Variants in GBF1 observed in about 807,000 individuals in gnomAD.
GBF1 encodes the protein golgi brefeldin A resistant guanine nucleotide exchange factor 1, also known as Golgi-specific brefeldin A-resistance guanine nucleotide exchange factor 1.
A neutral mutation model predicts 210.5 loss-of-function variants in GBF1; 114 were observed. The ratio of observed to expected loss-of-function variants is 0.54; its 90% confidence interval spans 0.47 to 0.63. The LOEUF is 0.63. Among genes scored for constraint, GBF1 ranks in the 30% least tolerant of loss-of-function variants. GBF1 has a pLI of 0.00. For synonymous variants in GBF1, 850 were observed against 889.2 expected (o/e 0.96, Z 0.78); for missense variants, 1,851 against 2,357.7 (o/e 0.79, Z 4.45).
In GBF1 at chr10:102,273,738, A is replaced by G. The variant is rs565386797; in HGVS notation, c.163+13622A>G. Among the ~76,000 whole-genome samples the G allele has an allele frequency of 3.9e-5, 6 of 152,312 alleles. No homozygotes were observed. The South Asian group carries it at 6.2e-4, about 16-fold the overall frequency. ...ATTTCAGTAAGACAGTTCTATTTAG[A>G]TGGTTGTTTCTGGATGAATCAGCTT... On this transcript the variant is annotated intron_variant, in intron 3 of 39. Coordinates refer to ENST00000369983, the MANE Select transcript of GBF1 (RefSeq NM_001377137.1).
chr10:102,370,925 A>T, intron 29 of GBF1, 65 bp downstream of exon 29: 1 of 1,452,002 alleles, frequency 6.9e-7, no homozygotes, highest in Non-Finnish European at 9.6e-7. Context: ...GTTGTCAATT[A>T]TGAATATGGC....
At chr10:102,290,900 T>C (rs1383805484) in intron 3 of GBF1, among the ~76,000 whole-genome samples, 1 of 152,254 alleles carries the variant, frequency 6.6e-6, no homozygotes, top group Non-Finnish European at 1.5e-5. Flanking sequence ...TTCTAACTTC[T>C]CTTTAATTTT....
At chr10:102,310,891 T>C (rs890681174) in intron 3 of GBF1, among the ~76,000 whole-genome samples, 1 of 152,220 alleles carries the variant, frequency 6.6e-6, no homozygotes, top group African/African-American at 2.4e-5. Context: ...ATGGCAAATA[T>C]GTGGACTTCA....
chr10:102,236,918 A>G, the GBF1 span, among the ~76,000 whole-genome samples: 1 of 152,318 alleles, frequency 6.6e-6, no homozygotes, highest in African/African-American at 2.4e-5. Flanking sequence ...ACATGGCTGC[A>G]TGTTCATTAG....
chr10:102,313,194 A>G (rs2078631542), intron 3 of GBF1, among the ~76,000 whole-genome samples: 1 of 152,198 alleles, frequency 6.6e-6, no homozygotes, highest in African/African-American at 2.4e-5. Flanking sequence ...CGTTCTGTGT[A>G]TCATGGAGGC....
chr10:102,367,208 G>T lies in GBF1; in HGVS notation c.2557G>T (p.Glu853Ter). 2 of 1,614,012 alleles carry T rather than the reference G, an allele frequency of 1.2e-6. No homozygotes were observed. Among genetic ancestry groups the T allele is most frequent in the Non-Finnish European group, 1.7e-6 (2 of 1,179,926 alleles). Reference protein sequence around the residue: ...VRKQNAPMTLEEFRKNLKGVN... With the variant: ...VRKQNAPMTL The stretch of plus-strand genomic sequence containing the variant: ...TAAACAGAATGCACCCATGACCCTG[G>T]AGGTAAGCTTGGGTCCCAGTCAAGG... The change falls in exon 20 of 40, where the codon GAG becomes TAG. Residue 853 changes from glutamate (E) to a stop codon, truncating the protein, a stop_gained and splice_region_variant. Coordinates refer to ENST00000369983, the MANE Select transcript of GBF1 (RefSeq NM_001377137.1). LOFTEE classifies it high-confidence loss of function.
At chr10:102,235,166 T>TCCCCC in the GBF1 span, among the ~76,000 whole-genome samples, 109 of 58,998 alleles carry the variant, frequency 1.8e-3, no homozygotes, top group African/African-American at 7.0e-3. Flanking sequence ...TTATTACCCT[T>TCCCCC]CCCCCACCCC....
rs1216962143 is a variant in GBF1 at position 102,358,107 on chromosome 10, C to T, written c.708C>T (p.Pro236=). The T allele has an allele frequency of 1.9e-6, 3 of 1,610,888 alleles. No homozygotes were observed. The African/African-American group carries it at 4.0e-5, about 22-fold the overall frequency. ...KWKKQKRSPR[P]PRHMTKVTPG... The stretch of plus-strand genomic sequence containing the variant: ...AGAAACAGAAGAGATCCCCTCGGCC[C>T]CCACGCCATATGACCAAAGTCACAC... The change falls in exon 9 of 40, where the codon CCC becomes CCT. Residue 236 remains proline (P), a synonymous_variant. Transcript: ENST00000369983.
chr10:102,255,102 G>A lies in GBF1; in HGVS notation c.-10-3827G>A, dbSNP rs145438398. Among the ~76,000 whole-genome samples, 36 of 152,024 alleles carry A rather than the reference G, an allele frequency of 2.4e-4. No individual in the cohort carries two copies. The East Asian group carries it at 5.6e-3, about 24-fold the overall frequency. ...GTTGCCCAGGTTGGAATGCAGTGGC[G>A]CGATCTCGGCTCACTGTAACCTCCA... is the stretch of plus-strand genomic sequence containing the variant. On this transcript the variant is annotated intron_variant, in intron 1 of 39. Transcript: ENST00000369983.
In GBF1 at chr10:102,380,580, T is replaced by C; in HGVS notation, c.5067T>C (p.Asp1689=). 6.2e-7 allele frequency: 1 copy of C among 1,614,066 alleles called. No homozygotes were observed. The highest frequency in any genetic ancestry group is 2.2e-5 in the East Asian group (1 of 44,870). Residue 1689 remains aspartate, a synonymous_variant, in exon 38 of 40, where the codon GAT becomes GAC. Coordinates refer to ENST00000369983, the MANE Select transcript of GBF1 (RefSeq NM_001377137.1). Reference sequence around the variant, plus strand: ...CAGCGGAGATTTTCCACAGTGCAGATGCACGGGGAGGCGGCCCCTCGGCCC... The same window carrying C: ...CAGCGGAGATTTTCCACAGTGCAGACGCACGGGGAGGCGGCCCCTCGGCCC... ...MDTAEIFHSA[D]ARGGGPSALW...
intron 7 of GBF1, 59 bp downstream of exon 7, chr10:102,352,577 T>G: frequency 8.4e-7 from 1 of 1,190,464 alleles, no homozygotes; most frequent in Non-Finnish European, 1.3e-6. Flanking sequence ...TCTGCCTGCT[T>G]CCACACAGCC....
intron 2 of GBF1, among the ~76,000 whole-genome samples, chr10:102,259,508 G>A (rs954713049): frequency 1.3e-5 from 2 of 151,932 alleles, no homozygotes; most frequent in Admixed American, 6.6e-5. Flanking sequence ...TTATACAGTT[G>A]GCTTTCTTTG....
intron 1 of GBF1, among the ~76,000 whole-genome samples, chr10:102,253,273 C>T (rs2071842136): frequency 6.6e-6 from 1 of 152,154 alleles, no homozygotes; most frequent in Admixed American, 6.5e-5. Context: ...AAAATAACAT[C>T]ACCAAAACTG....
At chr10:102,253,571 T>C (rs1053997912) in intron 1 of GBF1, among the ~76,000 whole-genome samples, 2 of 152,194 alleles carry the variant, frequency 1.3e-5, no homozygotes, top group Non-Finnish European at 2.9e-5. Flanking sequence ...TGGAGTACAG[T>C]GGTGTGATCG....
At chr10:102,312,659 TG>T (rs901698894) in intron 3 of GBF1, among the ~76,000 whole-genome samples, 5 of 152,220 alleles carry the variant, frequency 3.3e-5, no homozygotes, top group African/African-American at 1.2e-4. Flanking sequence ...CCTATACTTT[TG>T]GTGTTCCCAG....
rs2059482550 is a variant in GBF1, at chr10:102,359,641, T to G, written c.1180+206T>G. Among the ~76,000 whole-genome samples the G allele has an allele frequency of 1.3e-5, 2 of 152,000 alleles. 1 individual carries two copies. Among genetic ancestry groups the G allele is most frequent in the East Asian group, 3.9e-4 (2 of 5,184 alleles). On this transcript the variant is annotated intron_variant, in intron 11 of 39. Coordinates refer to ENST00000369983, the MANE Select transcript of GBF1 (RefSeq NM_001377137.1). The stretch of plus-strand genomic sequence containing the variant: ...TAACTTATACTACAGGGAGGAAGTT[T>G]GATGGGCAATAGGAAGCAAGAAGGA...
intron 3 of GBF1, among the ~76,000 whole-genome samples, chr10:102,316,513 A>G (rs978221380): frequency 2.0e-5 from 3 of 152,100 alleles, no homozygotes; most frequent in African/African-American, 7.2e-5. Flanking sequence ...TCTCATCACA[A>G]TATTAGTGTC....
At chr10:102,332,494 G>A (rs1346499127) in intron 3 of GBF1, among the ~76,000 whole-genome samples, 6 of 151,410 alleles carry the variant, frequency 4.0e-5, no homozygotes, top group East Asian at 3.9e-4. Context: ...AGCGATTCTC[G>A]TGCCTCAGCT....
rs556539575 is a variant in GBF1 at position 102,337,258 on chromosome 10, G to A, written c.164-6793G>A. Reference sequence around the variant, plus strand: ...CCGGGCATGGTGGTGGGCGCCTGTAGTCCCAGGTACTCGGGGGGCTGAGGT... The same window carrying A: ...CCGGGCATGGTGGTGGGCGCCTGTAATCCCAGGTACTCGGGGGGCTGAGGT... On this transcript the variant is annotated intron_variant, in intron 3 of 39. Transcript: ENST00000369983. 3.0e-5 allele frequency among the ~76,000 whole-genome samples: 4 copies of A among 131,338 alleles called. No homozygotes were observed. The South Asian group carries it at 1.1e-3, about 37-fold the overall frequency. The allele number at this position is 131,338 out of a possible 152,430, so 86.2% of individuals were successfully genotyped here.
Sources: allele counts gnomAD v4.1 joint callset (sites outside exome capture counted in the v4.1 genomes callset), GRCh38; gene constraint gnomAD v4.1.1; transcripts MANE v1.5; gene names NCBI Gene and HGNC (gene_info 2026-07-23, HGNC 2026-07-21).